Variants in RXRA observed in about 807,000 individuals in gnomAD.
RXRA encodes the protein retinoic acid receptor RXR-alpha.
A neutral mutation model predicts 44.5 loss-of-function variants in RXRA; 5 were observed. The ratio of observed to expected loss-of-function variants is 0.11; its 90% confidence interval spans 0.06 to 0.24. The LOEUF (loss-of-function observed/expected upper bound fraction) is 0.24. RXRA is among the 10% of genes least tolerant of loss of function. RXRA has a pLI of 1.00. For missense variants in RXRA, 412 were observed against 646.5 expected, an observed-to-expected ratio of 0.64 and a Z score of 3.93; for synonymous variants, 291 against 271.4, an observed-to-expected ratio of 1.07 and a Z score of -0.71.
intron 1 of RXRA, among the ~76,000 whole-genome samples, chr9:134,396,913 T>C (rs1288394327): frequency 1.3e-5 from 2 of 152,152 alleles, no homozygotes; most frequent in African/African-American, 4.8e-5. Context: ...TGAGTTCCCC[T>C]CTCCAAGGGC....
chr9:134,432,516 C>T (rs911655846), intron 8 of RXRA, among the ~76,000 whole-genome samples: 15 of 152,220 alleles, frequency 9.9e-5, no homozygotes, highest in African/African-American at 3.4e-4. Flanking sequence ...GGGCACAGGC[C>T]TCCTGGCCGA....
At position 134,426,310 on chromosome 9, in the gene RXRA, G is replaced by A. The variant is rs1831433585; in HGVS notation, c.911-2798G>A. The A allele has an allele frequency of 2.5e-5, 25 of 985,348 alleles. No homozygotes were observed. Among genetic ancestry groups the A allele is most frequent in the Admixed American group, 6.1e-5 (1 of 16,274 alleles). The allele number at this position is 985,348 out of a possible 1,614,324, so 61.0% of individuals were successfully genotyped here. ...CAGGAGCCCTCCTTCCTGCAGCGAT[G>A]GAGCACTTAGGAAGGTGAAGACACC... On this transcript the variant is annotated intron_variant, in intron 6 of 9. Coordinates refer to ENST00000481739, the MANE Select transcript of RXRA (RefSeq NM_002957.6). The surrounding 1 kb of genome is among the most constrained non-coding windows in gnomAD (Gnocchi z 4.6).
At chr9:134,361,382 C>G (rs1176709744) in intron 1 of RXRA, among the ~76,000 whole-genome samples, 1 of 152,184 alleles carries the variant, frequency 6.6e-6, no homozygotes, top group African/African-American at 2.4e-5. Context: ...GTGTGCCCGG[C>G]CCCTGGGCAT....
chr9:134,432,245 T>C (rs1181586142), intron 8 of RXRA, among the ~76,000 whole-genome samples: 1 of 152,188 alleles, frequency 6.6e-6, no homozygotes, highest in Non-Finnish European at 1.5e-5. Flanking sequence ...ATGAGGGGCT[T>C]GGTGGTGCCG....
chr9:134,416,076 G>A (rs1156598061), intron 4 of RXRA, among the ~76,000 whole-genome samples: 2 of 152,106 alleles, frequency 1.3e-5, no homozygotes, highest in Non-Finnish European at 2.9e-5. Flanking sequence ...TTCAGGGAAG[G>A]GGACGTGTCT....
rs926515124 is a variant in RXRA at position 134,417,557 on chromosome 9, G to T, written c.780+230G>T. On this transcript the variant is annotated intron_variant, in intron 5 of 9. Coordinates refer to ENST00000481739, the MANE Select transcript of RXRA (RefSeq NM_002957.6). The surrounding 1 kb of genome is among the most constrained non-coding windows in gnomAD (Gnocchi z 6.1). ...TGCACGAGTAGCCCATGGGGCAGGG[G>T]CCAGGGGCCAGGGGCCCGGGGCCTG... 5.3e-5 allele frequency among the ~76,000 whole-genome samples: 8 copies of T among 150,244 alleles called. No homozygotes were observed. The highest frequency in any genetic ancestry group is 2.0e-4 in the African/African-American group (8 of 39,674).
rs552997075 is a variant in RXRA, at chr9:134,431,969, C to T, written c.1108C>T (p.Leu370=). 6.2e-6 allele frequency: 10 copies of T among 1,613,988 alleles called. No homozygotes were observed. The East Asian group carries it at 2.0e-4, about 32-fold the overall frequency. The change falls in exon 8 of 10, where the codon CTG becomes TTG. Residue 370 remains leucine (L), a synonymous_variant. Transcript: ENST00000481739. Reference sequence around the variant, plus strand: ...GATGGACAAGACGGAGCTGGGCTGCCTGCGCGCCATCGTCCTCTTTAACCC... The same window carrying T: ...GATGGACAAGACGGAGCTGGGCTGCTTGCGCGCCATCGTCCTCTTTAACCC... ...MQMDKTELGC[L]RAIVLFNPDS...
intron 6 of RXRA, chr9:134,427,278 C>T (rs982160421): frequency 7.3e-6 from 4 of 550,906 alleles, no homozygotes; most frequent in African/African-American, 4.1e-5. Context: ...CTGCATGCTG[C>T]GGCCTTGGTT....
chr9:134,337,960 C>T lies in RXRA; in HGVS notation c.28+11301C>T, dbSNP rs1416212007. On this transcript the variant is annotated intron_variant, in intron 1 of 9. Coordinates refer to ENST00000481739, the MANE Select transcript of RXRA (RefSeq NM_002957.6). Reference sequence around the variant, plus strand: ...GGCGGGGGAGAGATGGGTGACTGCGCCCCCAGTGCTCACGGAGGGCCCCTC... The same window carrying T: ...GGCGGGGGAGAGATGGGTGACTGCGTCCCCAGTGCTCACGGAGGGCCCCTC... 2.0e-5 allele frequency among the ~76,000 whole-genome samples: 3 copies of T among 152,184 alleles called. No homozygotes were observed. The East Asian group carries it at 5.8e-4, about 29-fold the overall frequency.
chr9:134,400,873 C>T (rs2119139613), intron 1 of RXRA, among the ~76,000 whole-genome samples: 1 of 152,330 alleles, frequency 6.6e-6, no homozygotes, highest in South Asian at 2.1e-4. Context: ...TGCCCCATTC[C>T]ACCCATCTGG....
At chr9:134,332,146 C>T (rs1835015652) in intron 1 of RXRA, among the ~76,000 whole-genome samples, 1 of 152,168 alleles carries the variant, frequency 6.6e-6, no homozygotes, top group Non-Finnish European at 1.5e-5. Flanking sequence ...TAGGAGAAGT[C>T]CCCACTCCCA....
chr9:134,399,328 C>T (rs1255682782), intron 1 of RXRA, among the ~76,000 whole-genome samples: 1 of 152,222 alleles, frequency 6.6e-6, no homozygotes, highest in Non-Finnish European at 1.5e-5. Context: ...CTTCTCTATG[C>T]CTCAGTTTCC....
In RXRA at chr9:134,438,156, G is replaced by T. The variant is rs569016044; in HGVS notation, c.*1542G>T. On this transcript the variant is annotated 3_prime_UTR_variant, in exon 10 of 10. Transcript: ENST00000481739. ...GCCTGAACAGAGGGTGGATGGGGGG[G>T]ATACCGGAGGGGGTCTTGTCTTCCC... 538 of 153,234 alleles carry T rather than the reference G, an allele frequency of 3.5e-3. 7 individuals carry two copies. The highest frequency in any genetic ancestry group is 1.7e-3 in the Non-Finnish European group (115 of 68,542). The allele number at this position is 153,234 out of a possible 1,614,324, so 9.5% of individuals were successfully genotyped here. A position where few individuals can be genotyped will look rare whatever the true frequency, so the allele number is the denominator to read the frequency against.
chr9:134,409,557 T>C lies in RXRA; in HGVS notation c.610+438T>C, dbSNP rs911040776. 2.6e-5 allele frequency among the ~76,000 whole-genome samples: 4 copies of C among 152,250 alleles called. No homozygotes were observed. In the South Asian group the frequency reaches 8.3e-4, roughly 32 times the overall value. ...TCCTTTTGTTTTTGTGCTCGTCTTATTAACAAATCTGTGTCGGGGCGGTTT... is the reference window on the plus strand; with the variant it reads ...TCCTTTTGTTTTTGTGCTCGTCTTACTAACAAATCTGTGTCGGGGCGGTTT... On this transcript the variant is annotated intron_variant, in intron 4 of 9. Coordinates refer to ENST00000481739, the MANE Select transcript of RXRA (RefSeq NM_002957.6).
intron 4 of RXRA, among the ~76,000 whole-genome samples, chr9:134,415,143 C>T (rs552213657): frequency 6.6e-6 from 1 of 152,356 alleles, no homozygotes; most frequent in Admixed American, 6.5e-5. Flanking sequence ...ATGGGCCTCC[C>T]CGCCTGAGTC....
chr9:134,329,024 C>G (rs1230928677), intron 1 of RXRA, among the ~76,000 whole-genome samples: 1 of 152,252 alleles, frequency 6.6e-6, no homozygotes, highest in Non-Finnish European at 1.5e-5. Flanking sequence ...GCTCCCACGC[C>G]TGCCGGGGAG....
In RXRA at chr9:134,366,526, C is replaced by T. The variant is rs116137470; in HGVS notation, c.29-35106C>T. On this transcript the variant is annotated intron_variant, in intron 1 of 9. Transcript: ENST00000481739. The surrounding 1 kb of genome is among the most constrained non-coding windows in gnomAD (Gnocchi z 5.9). Reference sequence around the variant, plus strand: ...GAGTCCCCCTCCCCAGCAGCCACCCCGTGCCATGGGCCTCCAGGTCCCCCG... The same window carrying T: ...GAGTCCCCCTCCCCAGCAGCCACCCTGTGCCATGGGCCTCCAGGTCCCCCG... Among the ~76,000 whole-genome samples, 2,142 of 152,296 alleles carry T rather than the reference C, an allele frequency of 0.014. 54 individuals carry two copies. Among genetic ancestry groups the T allele is most frequent in the African/African-American group, 0.049 (2,034 of 41,552 alleles).
chr9:134,389,572 C>T (rs561505885), intron 1 of RXRA, among the ~76,000 whole-genome samples: 5 of 152,254 alleles, frequency 3.3e-5, no homozygotes, highest in Admixed American at 3.3e-4. Flanking sequence ...ATAGGGAGCC[C>T]TGGGAAGTTC....
intron 6 of RXRA, chr9:134,423,323 T>C (rs1018356098): frequency 1.0e-6 from 1 of 985,428 alleles, no homozygotes; most frequent in Non-Finnish European, 1.2e-6. Context: ...TAGGGCCGGG[T>C]GTCCCAGCTG....
Sources: gnomAD v4.1 joint callset for allele counts (sites outside exome capture counted in the v4.1 genomes callset) on GRCh38, gnomAD v4.1.1 for gene constraint, Gnocchi (gnomAD v3.1) non-coding constraint, MANE v1.5 for transcripts, NCBI Gene and HGNC (gene_info 2026-07-23, HGNC 2026-07-21) for gene names.